CASQ2: variants seen among roughly 807,000 people sequenced by gnomAD.
CASQ2 encodes the protein calsequestrin-2.
Under a neutral mutation model 46.5 loss-of-function variants are expected in CASQ2, and 49 were observed. The observed-to-expected ratio is 1.05, with a 90% CI of 0.84 to 1.34. The LOEUF (loss-of-function observed/expected upper bound fraction) is 1.34. Among genes scored for constraint, CASQ2 ranks in the 40% most tolerant of loss-of-function variants. The probability of loss-of-function intolerance (pLI) is 0.00; values close to 1 mark genes in which losing one functional copy is unlikely to be tolerated. For synonymous variants in CASQ2, 174 were observed against 168.5 expected (o/e 1.03, Z -0.25); for missense variants, 486 against 481.3 (o/e 1.01, Z -0.09).
At chr1:115,702,089 A>AT (rs1297365768) in intron 10 of CASQ2, among the ~76,000 whole-genome samples, 3 of 151,914 alleles carry the variant, frequency 2.0e-5, no homozygotes, top group Non-Finnish European at 4.4e-5. Context: ...TGCCTGGCTA[A>AT]TTTTTGTATT....
At chr1:115,756,219 G>A (rs56799406) in intron 1 of CASQ2, among the ~76,000 whole-genome samples, 10,434 of 152,186 alleles carry the variant, frequency 0.069, 1,213 homozygotes, top group African/African-American at 0.24. Flanking sequence ...CTGGCACTCC[G>A]GGCACACAGA....
At chr1:115,710,624 C>T (rs1654514254) in intron 8 of CASQ2, among the ~76,000 whole-genome samples, 1 of 152,154 alleles carries the variant, frequency 6.6e-6, no homozygotes, top group Non-Finnish European at 1.5e-5. Flanking sequence ...TGGAGGGGTC[C>T]CTTCCCCTCC....
intron 1 of CASQ2, among the ~76,000 whole-genome samples, chr1:115,760,070 C>A (rs987473603): frequency 1.3e-5 from 2 of 152,170 alleles, no homozygotes; most frequent in African/African-American, 4.8e-5. Flanking sequence ...AGTGGGAGAA[C>A]CCCGGGAGGC....
intron 5 of CASQ2, among the ~76,000 whole-genome samples, chr1:115,731,796 G>A (rs1161401619): frequency 3.3e-5 from 5 of 152,092 alleles, no homozygotes; most frequent in African/African-American, 1.2e-4. Context: ...CTCCCTTATG[G>A]GAGTGTTGAA....
At chr1:115,754,486 G>T (rs1648691091) in intron 1 of CASQ2, among the ~76,000 whole-genome samples, 1 of 152,160 alleles carries the variant, frequency 6.6e-6, no homozygotes, top group African/African-American at 2.4e-5. Context: ...GCCAGCTATT[G>T]CTCCAACTGC....
chr1:115,723,800 A>T (rs1452037406), intron 7 of CASQ2, among the ~76,000 whole-genome samples: 1 of 152,184 alleles, frequency 6.6e-6, no homozygotes, highest in Non-Finnish European at 1.5e-5. Flanking sequence ...TGGCCTCCCA[A>T]AGTGCTGAGA....
At chr1:115,710,975 G>A (rs1415266803) in intron 8 of CASQ2, among the ~76,000 whole-genome samples, 2 of 151,966 alleles carry the variant, frequency 1.3e-5, no homozygotes, top group Non-Finnish European at 1.5e-5. Flanking sequence ...CTAGGGGACC[G>A]GTCCCAGGCC....
chr1:115,728,652 G>A (rs368505774), intron 5 of CASQ2, among the ~76,000 whole-genome samples: 6 of 152,170 alleles, frequency 3.9e-5, no homozygotes, highest in African/African-American at 9.7e-5. Context: ...TGCTTATCAC[G>A]TGCCAGGCAC....
intron 1 of CASQ2, among the ~76,000 whole-genome samples, chr1:115,761,271 C>T (rs1335524202): frequency 1.4e-5 from 2 of 145,656 alleles, no homozygotes; most frequent in Non-Finnish European, 3.0e-5. Flanking sequence ...ATGGTGGGCA[C>T]CTGTAATCCC....
At position 115,738,287 on chromosome 1, in the gene CASQ2, C is replaced by T. The variant is rs779063209; in HGVS notation, c.469G>A (p.Ala157Thr). 4 of 1,614,020 alleles carry T rather than the reference C, an allele frequency of 2.5e-6. No homozygotes were observed. The highest frequency in any genetic ancestry group is 3.4e-6 in the Non-Finnish European group (4 of 1,179,872). The change falls in exon 4 of 11, where the codon GCC becomes ACC. Residue 157 changes from alanine (A) to threonine (T), a missense_variant. Coordinates refer to ENST00000261448, the MANE Select transcript of CASQ2 (RefSeq NM_001232.4). ...EIISSKLEVQ[A>T]FERIEDYIKL... ...ATGTAGTCTTCAATGCGTTCGAAGGCTTGGACTTCCAGTTTGCTGCTGATG... is the reference window on the plus strand; with the variant it reads ...ATGTAGTCTTCAATGCGTTCGAAGGTTTGGACTTCCAGTTTGCTGCTGATG...
intron 1 of CASQ2, among the ~76,000 whole-genome samples, chr1:115,765,811 C>T (rs1203717259): frequency 1.3e-5 from 2 of 152,154 alleles, no homozygotes; most frequent in South Asian, 4.1e-4. Context: ...GTTGGATGGA[C>T]ACTGGGAACT....
At chr1:115,761,432 G>T (rs1271450556) in intron 1 of CASQ2, among the ~76,000 whole-genome samples, 1 of 2,254 alleles carries the variant, frequency 4.4e-4, no homozygotes, top group African/African-American at 2.9e-3. Flanking sequence ...AGAAGAAGAA[G>T]AAGAAGAAAG....
intron 5 of CASQ2, among the ~76,000 whole-genome samples, chr1:115,729,974 G>T (rs1199810419): frequency 3.3e-5 from 5 of 152,322 alleles, no homozygotes; most frequent in African/African-American, 7.2e-5. Flanking sequence ...TATTTTTCAG[G>T]CTGTGAGGTG....
At position 115,768,288 on chromosome 1, in the gene CASQ2, C is replaced by CA; in HGVS notation, c.234+19dup. On this transcript the variant is annotated intron_variant, in intron 1 of 10. Coordinates refer to ENST00000261448, the MANE Select transcript of CASQ2 (RefSeq NM_001232.4). ...CACCTCACTGAGGCAGCGCAGACAG[C>CA]ATGCCCTTTGGTTACTTACCTCAAG... 6.6e-7 allele frequency: 1 copy of CA among 1,511,368 alleles called. No homozygotes were observed. The highest frequency in any genetic ancestry group is 9.2e-7 in the Non-Finnish European group (1 of 1,086,588). The allele number at this position is 1,511,368 out of a possible 1,614,324, so 93.6% of individuals were successfully genotyped here. A position where few individuals can be genotyped will look rare whatever the true frequency, so the allele number is the denominator to read the frequency against.
At chr1:115,704,762 G>A (rs572036079) in intron 9 of CASQ2, among the ~76,000 whole-genome samples, 12 of 152,280 alleles carry the variant, frequency 7.9e-5, no homozygotes, top group South Asian at 2.1e-4. Flanking sequence ...AGGCACGCTC[G>A]CTTTCTCTCC....
At chr1:115,759,750 G>T (rs1648876906) in intron 1 of CASQ2, among the ~76,000 whole-genome samples, 2 of 152,132 alleles carry the variant, frequency 1.3e-5, no homozygotes, top group Admixed American at 1.3e-4. Context: ...CTTTCCCATG[G>T]TTTCCATTAA....
At chr1:115,725,042 A>C (rs775821632) in intron 7 of CASQ2, among the ~76,000 whole-genome samples, 1 of 152,158 alleles carries the variant, frequency 6.6e-6, no homozygotes, top group Non-Finnish European at 1.5e-5. Context: ...TTAATTGAGC[A>C]TGAAGTTGTC....
chr1:115,703,727 A>G (rs1003495586), intron 9 of CASQ2, among the ~76,000 whole-genome samples: 1 of 152,160 alleles, frequency 6.6e-6, no homozygotes, highest in Non-Finnish European at 1.5e-5. Flanking sequence ...CCTGAGCAAC[A>G]TAGTAAGACC....
At chr1:115,726,397 A>G (rs1209016701) in intron 6 of CASQ2, among the ~76,000 whole-genome samples, 1 of 152,246 alleles carries the variant, frequency 6.6e-6, no homozygotes, top group African/African-American at 2.4e-5. Context: ...TTCATGCCAC[A>G]GCCGCAGTTA....
Sources: allele counts gnomAD v4.1 joint callset (sites outside exome capture counted in the v4.1 genomes callset), GRCh38; gene constraint gnomAD v4.1.1; transcripts MANE v1.5; gene names NCBI Gene and HGNC (gene_info 2026-07-23, HGNC 2026-07-21).